FRZB: variants seen among roughly 807,000 people sequenced by gnomAD.
FRZB encodes the protein secreted frizzled-related protein 3.
FRZB carries 34 observed loss-of-function variants against 32.5 expected under a neutral mutation model. The ratio of observed to expected loss-of-function variants is 1.05; its 90% CI spans 0.80 to 1.39. The LOEUF (loss-of-function observed/expected upper bound fraction) is 1.39. Ranked by LOEUF, FRZB falls within the 40% of genes most tolerant of loss-of-function variation. The probability of loss-of-function intolerance (pLI) is 0.00; values close to 1 mark genes in which losing one functional copy is unlikely to be tolerated. For synonymous variants in FRZB, 170 were observed against 159.2 expected, an observed-to-expected ratio of 1.07 and a Z score of -0.51; for missense variants, 423 against 424.8, an observed-to-expected ratio of 1.00 and a Z score of 0.04.
Position 182,838,543 on chromosome 2 carries a change from C to T in FRZB, c.663G>A (p.Glu221=). The T allele has an allele frequency of 6.2e-7, 1 of 1,612,858 alleles. No homozygotes were observed. Among genetic ancestry groups the T allele is most frequent in the Non-Finnish European group, 8.5e-7 (1 of 1,179,166 alleles). ...HDVTAVVEVK[E]ILKSSLVNIP... ...TGTTTACCAGAGAGGACTTTAGAAT[C>T]TCCTTCACCTCCACTACTGCAGTCA... Residue 221 remains glutamate, a synonymous_variant, in exon 4 of 6, where the codon GAG becomes GAA. Coordinates refer to ENST00000295113, the MANE Select transcript of FRZB (RefSeq NM_001463.4).
In FRZB at chr2:182,834,071, C is replaced by T. The variant is rs894812492; in HGVS notation, c.*778G>A. 2.6e-5 allele frequency: 4 copies of T among 152,258 alleles called. No individual in the cohort carries two copies. The highest frequency in any genetic ancestry group is 1.3e-4 in the Admixed American group (2 of 15,286). The allele number at this position is 152,258 out of a possible 1,614,324, so 9.4% of individuals were successfully genotyped here. ...TTAAACAAAACTATGGTGATAACAG[C>T]AGATGTCTAGTTATAATTCATTTCT... On this transcript the variant is annotated 3_prime_UTR_variant, in exon 6 of 6. Transcript: ENST00000295113.
At chr2:182,848,215 T>C (rs1695667957) in intron 2 of FRZB, among the ~76,000 whole-genome samples, 1 of 152,090 alleles carries the variant, frequency 6.6e-6, no homozygotes, top group African/African-American at 2.4e-5. Flanking sequence ...CCAGAACTGC[T>C]CATGGAAGTG....
chr2:182,852,067 CT>C (rs1695716197), intron 2 of FRZB, among the ~76,000 whole-genome samples: 1 of 152,196 alleles, frequency 6.6e-6, no homozygotes. Context: ...TACTATTTGT[CT>C]ATCCTTTTTT....
chr2:182,851,163 T>C (rs1695705724), intron 2 of FRZB, among the ~76,000 whole-genome samples: 1 of 152,240 alleles, frequency 6.6e-6, no homozygotes, highest in Admixed American at 6.5e-5. Flanking sequence ...TTTCCCTCAT[T>C]CTATGGATTG....
intron 2 of FRZB, among the ~76,000 whole-genome samples, chr2:182,847,547 C>T (rs1695659490): frequency 6.6e-6 from 1 of 152,120 alleles, no homozygotes; most frequent in African/African-American, 2.4e-5. Flanking sequence ...GAGAATAGGA[C>T]TTTGAAAGCT....
chr2:182,861,315 T>C (rs1460212409), intron 1 of FRZB, among the ~76,000 whole-genome samples: 1 of 152,222 alleles, frequency 6.6e-6, no homozygotes, highest in South Asian at 2.1e-4. Flanking sequence ...ACTTGGACAG[T>C]AACTTAGCTT....
rs142080579 is a variant in FRZB, at chr2:182,866,017, ACT to A, written c.478+56_478+57del. On this transcript the variant is annotated intron_variant, in intron 1 of 5. Coordinates refer to ENST00000295113, the MANE Select transcript of FRZB (RefSeq NM_001463.4). The surrounding 1 kb of genome is among the most constrained non-coding windows in gnomAD (Gnocchi z 4.5). ...TAGAGAGTAAAGGCTAGTAACAAGG[ACT>A]CCAAGAATTGAGGAGGCTGTAGGGT... 1.8e-3 allele frequency: 2,431 copies of A among 1,343,774 alleles called. 25 individuals carry two copies. The African/African-American group carries it at 0.032, about 18-fold the overall frequency. 83.2% of individuals were successfully genotyped at this position (1,343,774 alleles called of 1,614,324 possible). A position where few individuals can be genotyped will look rare whatever the true frequency, so the allele number is the denominator to read the frequency against.
At chr2:182,836,085 A>G (rs915726401) in intron 5 of FRZB, among the ~76,000 whole-genome samples, 2 of 152,114 alleles carry the variant, frequency 1.3e-5, no homozygotes, top group African/African-American at 4.8e-5. Context: ...TCTTTACTCC[A>G]CAATCTTGTC....
intron 3 of FRZB, among the ~76,000 whole-genome samples, chr2:182,839,205 T>C (rs1199865776): frequency 6.6e-6 from 1 of 152,102 alleles, no homozygotes; most frequent in African/African-American, 2.4e-5. Flanking sequence ...TGTTCAGATA[T>C]TAGCTCCTTT....
At chr2:182,849,142 G>C (rs1695681581) in intron 2 of FRZB, among the ~76,000 whole-genome samples, 1 of 152,074 alleles carries the variant, frequency 6.6e-6, no homozygotes, top group Non-Finnish European at 1.5e-5. Flanking sequence ...CAGGAGAATG[G>C]TGTGAACCCG....
chr2:182,845,248 G>A (rs1036196078), intron 2 of FRZB, among the ~76,000 whole-genome samples: 12 of 152,152 alleles, frequency 7.9e-5, no homozygotes, highest in African/African-American at 2.7e-4. Flanking sequence ...AGAGAGGTAT[G>A]TTGCATGCAT....
At chr2:182,849,055 GTC>G (rs1695680317) in intron 2 of FRZB, among the ~76,000 whole-genome samples, 1 of 151,948 alleles carries the variant, frequency 6.6e-6, no homozygotes, top group South Asian at 2.1e-4. Context: ...GTGAAACCCC[GTC>G]TCTACTAAAA....
intron 5 of FRZB, among the ~76,000 whole-genome samples, chr2:182,835,961 A>G (rs954471240): frequency 6.6e-6 from 1 of 152,160 alleles, no homozygotes; most frequent in Non-Finnish European, 1.5e-5. Flanking sequence ...AACTGATAAT[A>G]GAATCTACTT....
At chr2:182,853,164 A>T (rs1695728409) in intron 2 of FRZB, among the ~76,000 whole-genome samples, 1 of 152,174 alleles carries the variant, frequency 6.6e-6, no homozygotes, top group African/African-American at 2.4e-5. Context: ...ATTTGTTTTC[A>T]TCACTCTCAT....
intron 2 of FRZB, among the ~76,000 whole-genome samples, chr2:182,849,154 G>A (rs892708623): frequency 6.6e-6 from 1 of 152,032 alleles, no homozygotes; most frequent in Non-Finnish European, 1.5e-5. Context: ...GTGAACCCGG[G>A]GGGTGGAGCT....
intron 3 of FRZB, among the ~76,000 whole-genome samples, chr2:182,838,846 A>G (rs1306653237): frequency 6.6e-6 from 1 of 151,986 alleles, no homozygotes; most frequent in African/African-American, 2.4e-5. Flanking sequence ...CTGTGTATAT[A>G]TTTGCATGTA....
intron 2 of FRZB, among the ~76,000 whole-genome samples, chr2:182,852,618 T>A (rs186027210): frequency 6.6e-6 from 1 of 152,172 alleles, no homozygotes; most frequent in East Asian, 1.9e-4. Context: ...AGCAGAAAAT[T>A]GGAAGAATTA....
intron 2 of FRZB, among the ~76,000 whole-genome samples, chr2:182,848,820 A>G (rs772916257): frequency 6.6e-6 from 1 of 152,252 alleles, no homozygotes; most frequent in Non-Finnish European, 1.5e-5. Flanking sequence ...AAGTGTGTAC[A>G]GTATGCTTCC....
chr2:182,842,701 A>G (rs1022624792), intron 2 of FRZB, among the ~76,000 whole-genome samples, 158 bp from the exon 3 acceptor site: 4 of 152,088 alleles, frequency 2.6e-5, no homozygotes, highest in African/African-American at 9.7e-5. Flanking sequence ...AACTACATTC[A>G]TGTTTATTCT....
Sources: gnomAD v4.1 joint callset for allele counts (sites outside exome capture counted in the v4.1 genomes callset) on GRCh38, gnomAD v4.1.1 for gene constraint, Gnocchi (gnomAD v3.1) non-coding constraint, MANE v1.5 for transcripts, NCBI Gene and HGNC (gene_info 2026-07-23, HGNC 2026-07-21) for gene names.